Variants in CAND1 observed in about 807,000 individuals in gnomAD.
The protein encoded by CAND1 is cullin-associated NEDD8-dissociated protein 1.
Under a neutral mutation model 108.5 loss-of-function variants are expected in CAND1, and 7 were observed. The ratio of observed to expected loss-of-function variants is 0.06; its 90% confidence interval spans 0.04 to 0.12. CAND1 has a LOEUF of 0.12. CAND1 is among the 10% of genes least tolerant of loss of function. The pLI is 1.00. For synonymous variants in CAND1, 534 were observed against 512.0 expected (o/e 1.04, Z -0.58); for missense variants, 941 against 1,448.7 (o/e 0.65, Z 5.69).
rs750594586 is a variant in CAND1 at position 67,296,768 on chromosome 12, G to C, written c.492-639G>C. ...CATTTAGAGATTTTGGAAGGAGAAA[G>C]TGACAAGATGATTGTGTAGTTTTGG... is the stretch of plus-strand genomic sequence containing the variant. On this transcript the variant is annotated intron_variant, in intron 4 of 14. Coordinates refer to ENST00000545606, the MANE Select transcript of CAND1 (RefSeq NM_018448.5). 3.8e-4 allele frequency among the ~76,000 whole-genome samples: 58 copies of C among 151,898 alleles called. 1 individual carries two copies. Among genetic ancestry groups the C allele is most frequent in the Non-Finnish European group, 6.5e-4 (44 of 67,944 alleles).
intron 10 of CAND1, 90 bp from the exon 11 acceptor site, chr12:67,307,307 A>G: frequency 2.4e-6 from 2 of 836,234 alleles, no homozygotes; most frequent in Non-Finnish European, 2.0e-6. Flanking sequence ...GGCATTGAAG[A>G]CACTGGTGTT....
At position 67,293,492 on chromosome 12, in the gene CAND1, G is replaced by A. The variant is rs1697251; in HGVS notation, c.367+716G>A. Among the ~76,000 whole-genome samples, 156 of 152,262 alleles carry A rather than the reference G, an allele frequency of 1.0e-3. 1 individual carries two copies. Among genetic ancestry groups the A allele is most frequent in the Non-Finnish European group, 1.4e-3 (98 of 68,018 alleles). On this transcript the variant is annotated intron_variant, in intron 3 of 14. Transcript: ENST00000545606. ...CTGGGGGCCGGGCGAGGTGGCTCACGCCTATAATCCCAGCACTTTGGGAGG... is the reference window on the plus strand; with the variant it reads ...CTGGGGGCCGGGCGAGGTGGCTCACACCTATAATCCCAGCACTTTGGGAGG...
At chr12:67,271,735 A>G (rs946662204) in intron 1 of CAND1, among the ~76,000 whole-genome samples, 14 of 152,240 alleles carry the variant, frequency 9.2e-5, no homozygotes, top group African/African-American at 3.4e-4. Flanking sequence ...TAATATTGAT[A>G]TATTCCTAAT....
At position 67,295,131 on chromosome 12, in the gene CAND1, G is replaced by C. The variant is rs1173048497; in HGVS notation, c.466G>C (p.Asp156His). 1 of 1,612,600 alleles carries C rather than the reference G, an allele frequency of 6.2e-7. No individual in the cohort carries two copies. Among genetic ancestry groups the C allele is most frequent in the South Asian group, 1.1e-5 (1 of 90,950 alleles). ...TGTCTCTGTTCAGCTAGAAGCCTTG[G>C]ATATTATGGCTGATATGTTGAGCAG... ...EDVSVQLEAL[D>H]IMADMLSRQG... The change falls in exon 4 of 15, where the codon GAT becomes CAT. Residue 156 changes from aspartate to histidine, a missense_variant. Transcript: ENST00000545606.
chr12:67,296,879 C>A (rs993566527), intron 4 of CAND1, among the ~76,000 whole-genome samples: 1 of 152,024 alleles, frequency 6.6e-6, no homozygotes. Flanking sequence ...CTCATTGCAG[C>A]CTCAATTTAC....
chr12:67,285,221 T>C lies in CAND1; in HGVS notation c.212+3168T>C, dbSNP rs1305380679. ...GTGTAGTGTAAGGTAAGATTACAGT[T>C]TTCTGTTGTTCCAAATTTATGGGAG... On this transcript the variant is annotated intron_variant, in intron 2 of 14. Coordinates refer to ENST00000545606, the MANE Select transcript of CAND1 (RefSeq NM_018448.5). Among the ~76,000 whole-genome samples, 3 of 152,292 alleles carry C rather than the reference T, an allele frequency of 2.0e-5. No individual in the cohort carries two copies. In the East Asian group the frequency reaches 5.8e-4, roughly 29 times the overall value.
rs1329289115 is a variant in CAND1 at position 67,315,763 on chromosome 12, T to C, written c.*2933T>C. ...ATAATGGGCATATCTAATTAACCAGTTCTAGTGGGTGTTGTGATATCTTTA... is the reference window on the plus strand; with the variant it reads ...ATAATGGGCATATCTAATTAACCAGCTCTAGTGGGTGTTGTGATATCTTTA... On this transcript the variant is annotated 3_prime_UTR_variant, in exon 15 of 15. Transcript: ENST00000545606. 1 of 152,166 alleles carries C rather than the reference T, an allele frequency of 6.6e-6. No homozygotes were observed. The highest frequency in any genetic ancestry group is 1.5e-5 in the Non-Finnish European group (1 of 68,034). 9.4% of individuals were successfully genotyped at this position (152,166 alleles called of 1,614,324 possible). A position where few individuals can be genotyped will look rare whatever the true frequency, so the allele number is the denominator to read the frequency against.
intron 3 of CAND1, 73 bp from the exon 4 acceptor site, chr12:67,294,960 G>T: frequency 6.7e-7 from 1 of 1,486,714 alleles, no homozygotes; most frequent in Non-Finnish European, 9.1e-7. Context: ...TAAATATTTG[G>T]TAACTACCAT....
chr12:67,279,913 T>C (rs903750577), intron 1 of CAND1, among the ~76,000 whole-genome samples: 4 of 152,230 alleles, frequency 2.6e-5, no homozygotes, highest in African/African-American at 9.6e-5. Context: ...ATAACTATTA[T>C]GGTTATTTAA....
intron 11 of CAND1, 150 bp from the exon 12 acceptor site, chr12:67,309,751 T>C (rs1237497243): frequency 1.8e-6 from 1 of 553,916 alleles, no homozygotes; most frequent in Non-Finnish European, 3.2e-6. Context: ...TATGGTTCAC[T>C]TAGTGTTTCA....
intron 2 of CAND1, among the ~76,000 whole-genome samples, chr12:67,286,229 C>G (rs1481384194): frequency 6.6e-6 from 1 of 152,112 alleles, no homozygotes; most frequent in African/African-American, 2.4e-5. Context: ...CCAGGATGGT[C>G]GCGATCTCCT....
At chr12:67,277,871 T>C (rs912766065) in intron 1 of CAND1, among the ~76,000 whole-genome samples, 1 of 152,130 alleles carries the variant, frequency 6.6e-6, no homozygotes, top group Non-Finnish European at 1.5e-5. Flanking sequence ...TCTAACTTAG[T>C]CATTCTCCTA....
At position 67,306,542 on chromosome 12, in the gene CAND1, C is replaced by T; in HGVS notation, c.2874C>T (p.Leu958=). 6.2e-7 allele frequency: 1 copy of T among 1,613,932 alleles called. No individual in the cohort carries two copies. The highest frequency in any genetic ancestry group is 8.5e-7 in the Non-Finnish European group (1 of 1,179,868). ...TTGTTGCTGAATGTCTAGGAAAACT[C>T]ACTCTAATTGATCCAGAAACTCTCC... is the stretch of plus-strand genomic sequence containing the variant. The part of the protein sequence containing the change: ...RNVVAECLGK[L]TLIDPETLLP... Residue 958 remains leucine (L), a synonymous_variant, in exon 10 of 15, where the codon CTC becomes CTT. Coordinates refer to ENST00000545606, the MANE Select transcript of CAND1 (RefSeq NM_018448.5).
chr12:67,284,660 A>G (rs2044651334), intron 2 of CAND1, among the ~76,000 whole-genome samples: 1 of 117,038 alleles, frequency 8.5e-6, no homozygotes, highest in Non-Finnish European at 2.0e-5. Flanking sequence ...TAAAACATGT[A>G]ACAACATAGG....
intron 10 of CAND1, 33 bp from the exon 11 acceptor site, chr12:67,307,364 A>G (rs1218576814): frequency 2.0e-6 from 3 of 1,490,868 alleles, no homozygotes; most frequent in African/African-American, 1.4e-5. Context: ...AGTGGACTAC[A>G]TACCAATAGA....
intron 2 of CAND1, among the ~76,000 whole-genome samples, chr12:67,283,526 G>A (rs1302277717): frequency 2.0e-5 from 3 of 151,428 alleles, no homozygotes; most frequent in Admixed American, 6.6e-5. Flanking sequence ...GAGGTTGCAG[G>A]GAGCCAAGAT....
Position 67,296,511 on chromosome 12 carries a change from T to TGC in CAND1, c.492-895_492-894dup, listed in dbSNP as rs1398346866. On this transcript the variant is annotated intron_variant, in intron 4 of 14. Coordinates refer to ENST00000545606, the MANE Select transcript of CAND1 (RefSeq NM_018448.5). ...GTGCAGTTCTGTGATCTCAGCTTAC[T>TGC]GCAGCCTCCGCCTCCTGGGTTCAAG... Among the ~76,000 whole-genome samples the TGC allele has an allele frequency of 3.3e-5, 5 of 152,098 alleles. No homozygotes were observed. In the South Asian group the frequency reaches 6.2e-4, roughly 19 times the overall value.
chr12:67,292,559 AT>A, intron 2 of CAND1, 62 bp from the exon 3 acceptor site: 1 of 1,174,352 alleles, frequency 8.5e-7, no homozygotes. Context: ...ATTTCTACTT[AT>A]GTATTTTCCT....
At position 67,297,506 on chromosome 12, in the gene CAND1, C is replaced by T. The variant is rs772243449; in HGVS notation, c.591C>T (p.Ile197=). Residue 197 remains isoleucine (I), a synonymous_variant, in exon 5 of 15, where the codon ATC becomes ATT. Coordinates refer to ENST00000545606, the MANE Select transcript of CAND1 (RefSeq NM_018448.5). ...PRLAVRKRTI[I]ALGHLVMSCG... ...TTGCAGTGAGGAAAAGAACCATTAT[C>T]GCTCTTGGCCATCTGGTTATGAGCT... The T allele has an allele frequency of 5.0e-6, 8 of 1,614,094 alleles. No individual in the cohort carries two copies. Among genetic ancestry groups the T allele is most frequent in the East Asian group, 2.2e-5 (1 of 44,872 alleles).
Sources: allele counts gnomAD v4.1 joint callset (sites outside exome capture counted in the v4.1 genomes callset), GRCh38; gene constraint gnomAD v4.1.1; transcripts MANE v1.5; gene names NCBI Gene and HGNC (gene_info 2026-07-23, HGNC 2026-07-21).